Variants in SLC47A1 observed in about 807,000 individuals in gnomAD.
SLC47A1 encodes the protein multidrug and toxin extrusion protein 1.
A neutral mutation model predicts 65.8 loss-of-function variants in SLC47A1; 58 were observed. The observed-to-expected ratio is 0.88, with a 90% CI of 0.71 to 1.10. SLC47A1 has a LOEUF of 1.10. Among genes scored for constraint, SLC47A1 ranks in the 50% least tolerant of loss-of-function variants. SLC47A1 has a pLI of 0.00. For synonymous variants in SLC47A1, 285 were observed against 295.0 expected (o/e 0.97, Z 0.35); for missense variants, 706 against 719.2 (o/e 0.98, Z 0.21).
At chr17:19,560,904 GA>G (rs1410838746) in intron 12 of SLC47A1, among the ~76,000 whole-genome samples, 1 of 148,412 alleles carries the variant, frequency 6.7e-6, no homozygotes, top group Non-Finnish European at 1.5e-5. Context: ...AAGAAAGAAA[GA>G]AATGGTTCCT....
At chr17:19,541,563 C>T (rs1916149420) in intron 1 of SLC47A1, among the ~76,000 whole-genome samples, 1 of 152,156 alleles carries the variant, frequency 6.6e-6, no homozygotes, top group South Asian at 2.1e-4. Context: ...TCTGAGGCTT[C>T]CTAGAATGCA....
chr17:19,568,786 C>A (rs1481338031), intron 14 of SLC47A1, among the ~76,000 whole-genome samples: 1 of 152,080 alleles, frequency 6.6e-6, no homozygotes, highest in Admixed American at 6.6e-5. Flanking sequence ...CTTAACAACT[C>A]CCCATTCCCA....
intron 14 of SLC47A1, among the ~76,000 whole-genome samples, chr17:19,570,299 A>C (rs2084389674): frequency 6.6e-6 from 1 of 152,336 alleles, no homozygotes; most frequent in South Asian, 2.1e-4. Context: ...AGACAAGCAA[A>C]GTCTGTGTAT....
Position 19,545,678 on chromosome 17 carries a change from C to T in SLC47A1, c.238-757C>T, listed in dbSNP as rs929813314. ...GCTAGTTTTTGTACTTTTGTAGGGA[C>T]GAGTTTTCATCATGCTGCCTAGACT... On this transcript the variant is annotated intron_variant, in intron 2 of 16. Transcript: ENST00000270570. Among the ~76,000 whole-genome samples, 10 of 151,898 alleles carry T rather than the reference C, an allele frequency of 6.6e-5. No homozygotes were observed. The East Asian group carries it at 1.6e-3, about 24-fold the overall frequency.
At chr17:19,564,535 G>C (rs1240504957) in intron 12 of SLC47A1, 2 of 152,260 alleles carry the variant, frequency 1.3e-5, no homozygotes, top group East Asian at 3.8e-4. Context: ...GGAGGAGGCA[G>C]GGCTGGTACT....
chr17:19,568,614 GATTAA>G (rs1195491339), intron 14 of SLC47A1, among the ~76,000 whole-genome samples: 2 of 152,140 alleles, frequency 1.3e-5, no homozygotes, highest in Non-Finnish European at 2.9e-5. Flanking sequence ...AATGTGGAAT[GATTAA>G]ATTAAGCTAA....
intron 5 of SLC47A1, among the ~76,000 whole-genome samples, chr17:19,550,235 C>T (rs1381638779): frequency 6.6e-6 from 1 of 152,218 alleles, no homozygotes; most frequent in Non-Finnish European, 1.5e-5. Flanking sequence ...CATCATCCTG[C>T]CTCAGCCTCC....
At chr17:19,543,596 C>G (rs1470981095) in intron 2 of SLC47A1, among the ~76,000 whole-genome samples, 1 of 152,154 alleles carries the variant, frequency 6.6e-6, no homozygotes, top group East Asian at 1.9e-4. Flanking sequence ...AGGTAAAAAT[C>G]TAGATCTTTG....
rs755574581 is a variant in SLC47A1, at chr17:19,548,080, T to C, written c.402T>C (p.Phe134=). 6.2e-7 allele frequency: 1 copy of C among 1,614,080 alleles called. No homozygotes were observed. The highest frequency in any genetic ancestry group is 8.5e-7 in the Non-Finnish European group (1 of 1,180,030). ...LLCCFPCWAL[F]LNTQHILLLF... is the part of the protein sequence containing the mutation. ...GCTGCTTCCCCTGCTGGGCGCTCTT[T>C]CTCAACACCCAGCACATCCTGCTGC... Residue 134 remains phenylalanine, a synonymous_variant, in exon 4 of 17, where the codon TTT becomes TTC. Coordinates refer to ENST00000270570, the MANE Select transcript of SLC47A1 (RefSeq NM_018242.3).
At chr17:19,567,553 C>T (rs1370796998) in intron 14 of SLC47A1, among the ~76,000 whole-genome samples, 1 of 152,192 alleles carries the variant, frequency 6.6e-6, no homozygotes, top group Non-Finnish European at 1.5e-5. Flanking sequence ...CAGCAGGGAC[C>T]GCTGAAGAAG....
At position 19,542,438 on chromosome 17, in the gene SLC47A1, G is replaced by A. The variant is rs1378822730; in HGVS notation, c.181G>A (p.Val61Met). Residue 61 changes from valine to methionine, a missense_variant, in exon 2 of 17, where the codon GTG (valine) becomes ATG (methionine). Physicochemically the swap from Val to Met is conservative, Grantham distance 21 (BLOSUM62 1). Transcript: ENST00000270570. The stretch of plus-strand genomic sequence containing the variant: ...GTTCCTGATCAGCTTCATAAGCTCC[G>A]TGTTCTGTGGCCACCTGGGCAAGCT... Reference protein sequence around the residue: ...MVFLISFISSVFCGHLGKLEL... With the variant: ...MVFLISFISSMFCGHLGKLEL... The A allele has an allele frequency of 3.1e-6, 5 of 1,611,956 alleles. No individual in the cohort carries two copies. Among genetic ancestry groups the A allele is most frequent in the Middle Eastern group, 1.6e-4 (1 of 6,078 alleles).
At chr17:19,572,900 T>A (rs2084411409) in intron 16 of SLC47A1, 39 bp downstream of exon 16, 1 of 1,569,014 alleles carries the variant, frequency 6.4e-7, no homozygotes, top group African/African-American at 1.4e-5. Context: ...CAGGCCTGTC[T>A]AGGTAGGACT....
intron 3 of SLC47A1, among the ~76,000 whole-genome samples, chr17:19,547,347 C>CT (rs34710264): frequency 0.21 from 24,402 of 115,002 alleles, 3,089 homozygotes; most frequent in East Asian, 0.31. Context: ...CCCAGCCTGG[C>CT]TTTTTTTTTT....
chr17:19,545,628 A>G (rs577079257), intron 2 of SLC47A1, among the ~76,000 whole-genome samples: 1 of 152,088 alleles, frequency 6.6e-6, no homozygotes, highest in Non-Finnish European at 1.5e-5. Context: ...AATAGCTGGG[A>G]CTACAGGAGC....
At position 19,577,624 on chromosome 17, in the gene SLC47A1, C is replaced by T; in HGVS notation, c.*71C>T. ...ACACAATTCACAGGCCCACCAGTGA[C>T]AATTTACTGTGAGTTAATGTCATTC... is the stretch of plus-strand genomic sequence containing the variant. On this transcript the variant is annotated 3_prime_UTR_variant, in exon 17 of 17. Transcript: ENST00000270570. The T allele has an allele frequency of 6.3e-7, 1 of 1,592,906 alleles. No individual in the cohort carries two copies. Among genetic ancestry groups the T allele is most frequent in the Non-Finnish European group, 8.6e-7 (1 of 1,169,036 alleles).
At chr17:19,545,466 A>G (rs993966712) in intron 2 of SLC47A1, among the ~76,000 whole-genome samples, 1 of 151,884 alleles carries the variant, frequency 6.6e-6, no homozygotes, top group Non-Finnish European at 1.5e-5. Context: ...TGCTGGGATT[A>G]CAGGCGTGAG....
intron 10 of SLC47A1, among the ~76,000 whole-genome samples, chr17:19,559,813 A>G (rs1246199001): frequency 2.0e-5 from 3 of 152,068 alleles, no homozygotes; most frequent in East Asian, 1.9e-4. Flanking sequence ...GATTACAGGC[A>G]TGAGCCACCA....
At position 19,572,786 on chromosome 17, in the gene SLC47A1, G is replaced by A. The variant is rs1249029996; in HGVS notation, c.1411G>A (p.Val471Ile). 6.2e-7 allele frequency: 1 copy of A among 1,614,076 alleles called. No homozygotes were observed. Among genetic ancestry groups the A allele is most frequent in the Non-Finnish European group, 8.5e-7 (1 of 1,180,004 alleles). Reference sequence around the variant, plus strand: ...ACTGAGTTTCATTTTCCAGGCTCAGGTACACGCCAATTTGAAAGTAAACAA... The same window carrying A: ...ACTGAGTTTCATTTTCCAGGCTCAGATACACGCCAATTTGAAAGTAAACAA... ...NWKKACQQAQ[V>I]HANLKVNNVP... Residue 471 changes from valine (V) to isoleucine (I), a missense_variant, in exon 16 of 17, where the codon GTA (valine) becomes ATA (isoleucine). Transcript: ENST00000270570.
At chr17:19,539,337 G>A (rs752540866) in intron 1 of SLC47A1, among the ~76,000 whole-genome samples, 3 of 152,150 alleles carry the variant, frequency 2.0e-5, no homozygotes, top group Non-Finnish European at 4.4e-5. Context: ...TTCATTCCCC[G>A]AGCACAGAAA....
Sources: gnomAD v4.1 joint callset for allele counts (sites outside exome capture counted in the v4.1 genomes callset) on GRCh38, gnomAD v4.1.1 for gene constraint, MANE v1.5 for transcripts, NCBI Gene and HGNC (gene_info 2026-07-23, HGNC 2026-07-21) for gene names.